Variants in EYA1 observed in about 807,000 individuals in gnomAD.
EYA1 encodes the protein protein phosphatase EYA1.
EYA1 carries 16 observed loss-of-function variants against 82.0 expected under a neutral mutation model. The ratio of observed to expected loss-of-function variants is 0.20; its 90% confidence interval spans 0.13 to 0.30. EYA1 has a LOEUF of 0.30. EYA1 is among the 10% of genes least tolerant of loss of function. EYA1 has a pLI of 1.00. For synonymous variants in EYA1, 261 were observed against 264.4 expected (o/e 0.99, Z 0.12); for missense variants, 633 against 730.7 (o/e 0.87, Z 1.54).
intron 6 of EYA1, among the ~76,000 whole-genome samples, chr8:71,319,349 C>G: frequency 6.6e-6 from 1 of 152,100 alleles, no homozygotes; most frequent in East Asian, 1.9e-4. Flanking sequence ...CCAGGATGGT[C>G]TAGATCTCCT....
At chr8:71,388,178 T>C (rs1025931021) in intron 2 of EYA1, among the ~76,000 whole-genome samples, 1 of 152,144 alleles carries the variant, frequency 6.6e-6, no homozygotes, top group Admixed American at 6.6e-5. Flanking sequence ...CCTGCCACAC[T>C]CCAAAGACTG....
At chr8:71,386,769 T>A (rs141722223) in intron 2 of EYA1, among the ~76,000 whole-genome samples, 1 of 152,364 alleles carries the variant, frequency 6.6e-6, no homozygotes, top group African/African-American at 2.4e-5. Flanking sequence ...AATTGCTTGC[T>A]CATGCCTATA....
chr8:71,433,129 A>G (rs1224853863), intron 2 of EYA1, among the ~76,000 whole-genome samples: 5 of 152,108 alleles, frequency 3.3e-5, no homozygotes, highest in Non-Finnish European at 7.4e-5. Flanking sequence ...GATGACACAC[A>G]CCTTTAGTTT....
At chr8:71,353,467 A>T (rs551473913) in intron 3 of EYA1, among the ~76,000 whole-genome samples, 21 of 152,360 alleles carry the variant, frequency 1.4e-4, no homozygotes, top group Non-Finnish European at 1.8e-4. Flanking sequence ...TCATTCAGAG[A>T]TTAATTTTCT....
At chr8:71,256,243 A>G (rs1422800630) in intron 11 of EYA1, among the ~76,000 whole-genome samples, 2 of 152,212 alleles carry the variant, frequency 1.3e-5, no homozygotes, top group African/African-American at 4.8e-5. Flanking sequence ...CAGGGAAGAC[A>G]TTTTGCATAC....
chr8:71,220,542 T>C (rs1187218265), intron 12 of EYA1, among the ~76,000 whole-genome samples: 4 of 152,228 alleles, frequency 2.6e-5, no homozygotes, highest in African/African-American at 9.6e-5. Flanking sequence ...GTCATTCATG[T>C]ACGTGTCAAA....
chr8:71,473,025 T>C (rs1809352156), intron 2 of EYA1, among the ~76,000 whole-genome samples: 1 of 151,802 alleles, frequency 6.6e-6, no homozygotes, highest in Admixed American at 6.6e-5. Context: ...ATGACTTAGA[T>C]AAAAATGAGT....
At chr8:71,234,242 C>A (rs1811563683) in intron 12 of EYA1, among the ~76,000 whole-genome samples, 1 of 152,192 alleles carries the variant, frequency 6.6e-6, no homozygotes, top group Non-Finnish European at 1.5e-5. Flanking sequence ...CTGCTGACAT[C>A]CAGACATGCC....
At chr8:71,211,399 A>G (rs1808492444) in intron 16 of EYA1, 143 bp from the exon 17 acceptor site, 1 of 669,032 alleles carries the variant, frequency 1.5e-6, no homozygotes, top group South Asian at 1.6e-5. Context: ...CTTTTATGCC[A>G]CTTGGGTTGT....
intron 11 of EYA1, among the ~76,000 whole-genome samples, chr8:71,265,954 C>T (rs1312832602): frequency 6.6e-6 from 1 of 152,204 alleles, no homozygotes; most frequent in Non-Finnish European, 1.5e-5. Context: ...TCTTATAACA[C>T]CCAACGTGCC....
intron 2 of EYA1, among the ~76,000 whole-genome samples, chr8:71,457,300 T>C (rs182560655): frequency 6.6e-6 from 1 of 152,294 alleles, no homozygotes; most frequent in East Asian, 1.9e-4. Flanking sequence ...GGAACACTTT[T>C]ACACTGTTGG....
chr8:71,501,395 C>G (rs1563679045), intron 2 of EYA1, among the ~76,000 whole-genome samples: 1 of 152,150 alleles, frequency 6.6e-6, no homozygotes, highest in Non-Finnish European at 1.5e-5. Flanking sequence ...TGCTTGAAAT[C>G]CTGCAGGAAA....
chr8:71,299,701 T>A lies in EYA1; in HGVS notation c.576A>T (p.Ser192=). Residue 192 remains serine (S), a synonymous_variant, in exon 8 of 18, where the codon TCA becomes TCT. Transcript: ENST00000340726. The part of the protein sequence containing the change: ...YQMQGSSFTT[S]SGIYTGNNSL... Reference sequence around the variant, plus strand: ...AATTATTTCCTGTATATATTCCTGATGATGTTGTAAAACTGCTACCTAAAA... The same window carrying A: ...AATTATTTCCTGTATATATTCCTGAAGATGTTGTAAAACTGCTACCTAAAA... The A allele has an allele frequency of 1.9e-6, 3 of 1,573,478 alleles. No homozygotes were observed. The highest frequency in any genetic ancestry group is 2.6e-6 in the Non-Finnish European group (3 of 1,144,168).
chr8:71,459,981 A>T (rs1163213902), intron 2 of EYA1, among the ~76,000 whole-genome samples: 1 of 152,204 alleles, frequency 6.6e-6, no homozygotes, highest in Admixed American at 6.5e-5. Context: ...TGATTTAAGT[A>T]ATTTTCATCA....
chr8:71,479,792 C>A (rs892749784), intron 2 of EYA1, among the ~76,000 whole-genome samples: 1 of 152,080 alleles, frequency 6.6e-6, no homozygotes, highest in African/African-American at 2.4e-5. Context: ...TCCTAAGATA[C>A]CTGAACACCA....
At chr8:71,346,431 A>AATATATATATATATATATATAT (rs3066856) in intron 3 of EYA1, among the ~76,000 whole-genome samples, 65 of 105,448 alleles carry the variant, frequency 6.2e-4, no homozygotes, top group Middle Eastern at 4.8e-3. Flanking sequence ...TACTGCAGTG[A>AATATATATATATATATATATAT]ATATATATAT....
chr8:71,298,225 T>C (rs10504507), intron 9 of EYA1, among the ~76,000 whole-genome samples: 17,063 of 152,196 alleles, frequency 0.11, 1,046 homozygotes, highest in South Asian at 0.21. Context: ...ACCTGACTTG[T>C]AGCAATGGAG....
chr8:71,322,234 A>G lies in EYA1; in HGVS notation c.237T>C (p.Thr79=), dbSNP rs1172949131. The part of the protein sequence containing the change: ...IGSSSFSPRP[T]HQFSPPQIYP... ...AAATCTGTGGTGGAGAGAACTGGTG[A>G]GTTGGTCGTGGGCTGAAACTACTGC... The change falls in exon 5 of 18, where the codon ACT becomes ACC. Residue 79 remains threonine, a synonymous_variant. Transcript: ENST00000340726. 1 of 1,614,088 alleles carries G rather than the reference A, an allele frequency of 6.2e-7. No homozygotes were observed. Among genetic ancestry groups the G allele is most frequent in the Non-Finnish European group, 8.5e-7 (1 of 1,179,946 alleles).
intron 4 of EYA1, chr8:71,322,495 C>T: frequency 3.7e-6 from 2 of 544,972 alleles, no homozygotes; most frequent in Non-Finnish European, 6.6e-6. Flanking sequence ...TTTAAATGAA[C>T]TCTTAGAAAA....
Sources: gnomAD v4.1 joint callset for allele counts (sites outside exome capture counted in the v4.1 genomes callset) on GRCh38, gnomAD v4.1.1 for gene constraint, MANE v1.5 for transcripts, NCBI Gene and HGNC (gene_info 2026-07-23, HGNC 2026-07-21) for gene names.